The following CHSY3 variants were observed in gnomAD, a reference collection of about 807,000 sequenced individuals.
CHSY3 encodes chondroitin sulfate synthase 3.
In CHSY3, 35 loss-of-function variants were observed where a neutral mutation model predicts 67.2. The ratio of observed to expected loss-of-function variants is 0.52; its 90% CI spans 0.40 to 0.69. The LOEUF (loss-of-function observed/expected upper bound fraction) is 0.69, where lower values mean the gene tolerates loss of function less well. CHSY3 is among the 30% of genes least tolerant of loss of function. CHSY3 has a pLI of 0.00. For synonymous variants in CHSY3, 474 were observed against 434.7 expected, an observed-to-expected ratio of 1.09 and a Z score of -1.12; for missense variants, 1,069 against 1,138.5, an observed-to-expected ratio of 0.94 and a Z score of 0.88.
At chr5:130,167,050 C>G (rs187520400) in intron 2 of CHSY3, among the ~76,000 whole-genome samples, 53 of 152,138 alleles carry the variant, frequency 3.5e-4, no homozygotes, top group Non-Finnish European at 6.8e-4. Flanking sequence ...GAACTCAATT[C>G]CCACTGAAAC....
rs1215981022 is a variant in CHSY3, at chr5:129,904,565, G to T, written c.-265G>T. 1.7e-5 allele frequency: 7 copies of T among 411,242 alleles called. No individual in the cohort carries two copies. The highest frequency in any genetic ancestry group is 2.7e-5 in the Non-Finnish European group (7 of 258,038). 25.5% of individuals were successfully genotyped at this position (411,242 alleles called of 1,614,324 possible). A position where few individuals can be genotyped will look rare whatever the true frequency, so the allele number is the denominator to read the frequency against. On this transcript the variant is annotated 5_prime_UTR_variant, in exon 1 of 3. Coordinates refer to ENST00000305031, the MANE Select transcript of CHSY3 (RefSeq NM_175856.5). ...AGCTGCCGCTGCTGCCGCCGCTGCC[G>T]CCACCGCCGCCGCCGGGAGAAGTTT... is the stretch of plus-strand genomic sequence containing the variant.
chr5:130,109,607 A>G (rs1319701207), intron 2 of CHSY3, among the ~76,000 whole-genome samples: 2 of 151,794 alleles, frequency 1.3e-5, no homozygotes, highest in Non-Finnish European at 3.0e-5. Flanking sequence ...TCTCATCAAT[A>G]TAGAATATAA....
At chr5:130,128,487 G>A (rs1768371048) in intron 2 of CHSY3, among the ~76,000 whole-genome samples, 1 of 152,052 alleles carries the variant, frequency 6.6e-6, no homozygotes, top group South Asian at 2.1e-4. Flanking sequence ...ATAGGAGCAA[G>A]TAGAATGGTA....
At chr5:130,131,838 T>C (rs1375326424) in intron 2 of CHSY3, among the ~76,000 whole-genome samples, 1 of 152,158 alleles carries the variant, frequency 6.6e-6, no homozygotes, top group Non-Finnish European at 1.5e-5. Flanking sequence ...GAACAATGTG[T>C]GTATGTGAGA....
intron 2 of CHSY3, among the ~76,000 whole-genome samples, chr5:130,018,724 C>T (rs1316773644): frequency 1.3e-5 from 2 of 152,146 alleles, no homozygotes; most frequent in South Asian, 2.1e-4. Flanking sequence ...CCAAATCTTA[C>T]GTTGAAATTT....
intron 2 of CHSY3, among the ~76,000 whole-genome samples, chr5:129,967,804 A>C (rs1762512408): frequency 6.6e-6 from 1 of 151,820 alleles, no homozygotes; most frequent in Non-Finnish European, 1.5e-5. Flanking sequence ...AATTTTCCTA[A>C]GTGTTTGAAA....
rs1223966105 is a variant in CHSY3 at position 130,143,734 on chromosome 5, G to GTGTA, written c.1087-40494_1087-40493insGTAT. On this transcript the variant is annotated intron_variant, in intron 2 of 2. Transcript: ENST00000305031. ...TATATATATATATGTGTGTGTGTGT[G>GTGTA]TATATATATATATATATATATATGT... Among the ~76,000 whole-genome samples, 92 of 94,652 alleles carry GTGTA rather than the reference G, an allele frequency of 9.7e-4. 1 individual carries two copies. Among genetic ancestry groups the GTGTA allele is most frequent in the African/African-American group, 3.6e-3 (81 of 22,794 alleles). 62.1% of individuals were successfully genotyped at this position (94,652 alleles called of 152,430 possible).
intron 2 of CHSY3, among the ~76,000 whole-genome samples, chr5:129,969,269 T>C (rs1021191916): frequency 1.3e-5 from 2 of 151,808 alleles, no homozygotes; most frequent in Non-Finnish European, 2.9e-5. Context: ...TGGTATAAGA[T>C]TGAGACCACA....
At chr5:129,928,874 G>T (rs1439219999) in intron 2 of CHSY3, among the ~76,000 whole-genome samples, 1 of 152,080 alleles carries the variant, frequency 6.6e-6, no homozygotes, top group East Asian at 1.9e-4. Flanking sequence ...TGAGTTCTTT[G>T]CCCTATGCCA....
chr5:130,169,114 T>TG (rs1769829723), intron 2 of CHSY3, among the ~76,000 whole-genome samples: 1 of 152,160 alleles, frequency 6.6e-6, no homozygotes. Context: ...ATCTTTCTCA[T>TG]GGTTTCCATT....
At chr5:130,001,178 C>T (rs187015031) in intron 2 of CHSY3, among the ~76,000 whole-genome samples, 34 of 152,164 alleles carry the variant, frequency 2.2e-4, no homozygotes, top group Admixed American at 1.4e-3. Context: ...CACGCCTGGC[C>T]CTGCCTTCTT....
rs1267657996 is a variant in CHSY3 at position 129,908,290 on chromosome 5, C to T, written c.1016C>T (p.Thr339Ile). The T allele has an allele frequency of 6.2e-7, 1 of 1,614,114 alleles. No homozygotes were observed. The highest frequency in any genetic ancestry group is 1.7e-5 in the Admixed American group (1 of 60,014). The change falls in exon 2 of 3, where the codon ACT becomes ATT. Residue 339 changes from threonine to isoleucine, a missense_variant. Thr to Ile is a moderately conservative substitution (Grantham distance 89). Transcript: ENST00000305031. ...IGECLREMYT[T>I]HEDVEVGRCV... ...GAATGCCTTAGAGAAATGTACACGA[C>T]TCATGAGGATGTGGAAGTAGGAAGA...
At chr5:130,005,707 G>A (rs769773631) in intron 2 of CHSY3, among the ~76,000 whole-genome samples, 43 of 152,004 alleles carry the variant, frequency 2.8e-4, no homozygotes, top group Non-Finnish European at 4.0e-4. Context: ...TTTTATATTC[G>A]AATCTGCAGT....
chr5:130,171,141 G>C (rs1769884530), intron 2 of CHSY3, among the ~76,000 whole-genome samples: 1 of 152,042 alleles, frequency 6.6e-6, no homozygotes. Context: ...AATTCTACTT[G>C]AAAGTTTACC....
At chr5:130,020,447 ATATATATATATATATTTT>A (rs1263887100) in intron 2 of CHSY3, among the ~76,000 whole-genome samples, 3,670 of 37,332 alleles carry the variant, frequency 0.098, 145 homozygotes, top group East Asian at 0.35. Flanking sequence ...ATATATATAT[ATATATATATATATATTTT>A]TTTTTTTTTT....
At chr5:130,087,031 G>T (rs1412263951) in intron 2 of CHSY3, among the ~76,000 whole-genome samples, 1 of 152,102 alleles carries the variant, frequency 6.6e-6, no homozygotes, top group Non-Finnish European at 1.5e-5. Flanking sequence ...GATCAAGTGG[G>T]CTTCATCCCT....
At chr5:130,098,901 T>C (rs1304033815) in intron 2 of CHSY3, among the ~76,000 whole-genome samples, 1 of 152,222 alleles carries the variant, frequency 6.6e-6, no homozygotes, top group Non-Finnish European at 1.5e-5. Flanking sequence ...TATTAGTGTT[T>C]TCTAATTTTT....
chr5:130,092,375 G>C (rs1353954783), intron 2 of CHSY3, among the ~76,000 whole-genome samples: 1 of 152,150 alleles, frequency 6.6e-6, no homozygotes, highest in Non-Finnish European at 1.5e-5. Flanking sequence ...ACCTGCATAA[G>C]TGGGCCGAAA....
At chr5:130,058,941 T>C (rs984931616) in intron 2 of CHSY3, among the ~76,000 whole-genome samples, 1 of 152,226 alleles carries the variant, frequency 6.6e-6, no homozygotes, top group African/African-American at 2.4e-5. Flanking sequence ...CTTCTCTGTG[T>C]GTTTTTTATG....
Sources: gnomAD v4.1 joint callset for allele counts (sites outside exome capture counted in the v4.1 genomes callset) on GRCh38, gnomAD v4.1.1 for gene constraint, MANE v1.5 for transcripts, NCBI Gene and HGNC (gene_info 2026-07-23, HGNC 2026-07-21) for gene names.